Variants in PSMD1 observed in about 807,000 individuals in gnomAD.
PSMD1 encodes 26S proteasome non-ATPase regulatory subunit 1.
Under a neutral mutation model 119.0 loss-of-function variants are expected in PSMD1, and 18 were observed. The observed-to-expected ratio is 0.15, with a 90% CI of 0.10 to 0.22. The LOEUF (loss-of-function observed/expected upper bound fraction) is 0.22, where lower values mean the gene tolerates loss of function less well. Ranked by LOEUF, PSMD1 falls within the 10% of genes least tolerant of loss-of-function variation. PSMD1 has a pLI of 1.00. For missense variants in PSMD1, 702 were observed against 1,158.5 expected (o/e 0.61, Z 5.72); for synonymous variants, 374 against 396.6 (o/e 0.94, Z 0.68).
rs190256290 is a variant in PSMD1 at position 231,096,028 on chromosome 2, A to G, written c.1883+8847A>G. ...CCATGTTAAGGGTAGGGGAGGAATA[A>G]TAACAGTGGCCATTATTAGAAAGAG... On this transcript the variant is annotated intron_variant, in intron 16 of 24. Coordinates refer to ENST00000308696, the MANE Select transcript of PSMD1 (RefSeq NM_002807.4). 5.0e-4 allele frequency among the ~76,000 whole-genome samples: 76 copies of G among 152,354 alleles called. 1 individual carries two copies. Among genetic ancestry groups the G allele is most frequent in the Admixed American group, 2.5e-3 (38 of 15,296 alleles).
At chr2:231,117,300 C>G (rs1695376128) in intron 16 of PSMD1, among the ~76,000 whole-genome samples, 1 of 151,894 alleles carries the variant, frequency 6.6e-6, no homozygotes, top group Non-Finnish European at 1.5e-5. Context: ...AGACTTAAGA[C>G]ATTGAAAATT....
Position 231,170,414 on chromosome 2 carries a change from C to T in PSMD1, c.2716-152C>T, listed in dbSNP as rs1428439220. ...GTTTGCAAATACTTCGTATAGATCA[C>T]AGTTATCTTTATCCCAGTAAAGTTC... On this transcript the variant is annotated intron_variant, in intron 23 of 24. Transcript: ENST00000308696. The surrounding 1 kb of genome is among the most constrained non-coding windows in gnomAD (Gnocchi z 4.1). 1.3e-6 allele frequency: 1 copy of T among 757,528 alleles called. No individual in the cohort carries two copies. Among genetic ancestry groups the T allele is most frequent in the Non-Finnish European group, 2.0e-6 (1 of 506,010 alleles). The allele number at this position is 757,528 out of a possible 1,614,324, so 46.9% of individuals were successfully genotyped here.
chr2:231,064,658 T>C (rs1165376959), intron 4 of PSMD1, among the ~76,000 whole-genome samples: 1 of 152,192 alleles, frequency 6.6e-6, no homozygotes. Context: ...TAACATCCAC[T>C]GTGTTTTTTT....
At chr2:231,134,297 A>G (rs1245631308) in intron 16 of PSMD1, among the ~76,000 whole-genome samples, 2 of 152,198 alleles carry the variant, frequency 1.3e-5, no homozygotes, top group Non-Finnish European at 2.9e-5. Context: ...ATTCTGTGTT[A>G]TCTGTGTGTT....
At chr2:231,114,751 T>C (rs1018832345) in intron 16 of PSMD1, among the ~76,000 whole-genome samples, 1 of 152,202 alleles carries the variant, frequency 6.6e-6, no homozygotes, top group Non-Finnish European at 1.5e-5. Context: ...GGATGTGATA[T>C]TGAATATTCT....
At chr2:231,151,715 A>T (rs936569425) in intron 18 of PSMD1, among the ~76,000 whole-genome samples, 86 of 151,976 alleles carry the variant, frequency 5.7e-4, no homozygotes, top group African/African-American at 2.0e-3. Context: ...TCCATACTGT[A>T]TAAGGTAATG....
chr2:231,122,664 A>G (rs1195868905), intron 16 of PSMD1, among the ~76,000 whole-genome samples: 4 of 152,142 alleles, frequency 2.6e-5, no homozygotes, highest in Admixed American at 1.3e-4. Flanking sequence ...AACTACTTAT[A>G]TCTTTTTTTT....
intron 8 of PSMD1, among the ~76,000 whole-genome samples, chr2:231,076,271 A>G (rs1471241242): frequency 6.6e-6 from 1 of 152,226 alleles, no homozygotes; most frequent in Non-Finnish European, 1.5e-5. Context: ...TAGGGTAAAT[A>G]TTACAACAGT....
rs192208925 is a variant in PSMD1, at chr2:231,094,200, A to G, written c.1883+7019A>G. ...GAGGGGAGGTGCCTGTGAGCTGGCAATCTGGGCATTGCAGGATAATTTCTT... is the reference window on the plus strand; with the variant it reads ...GAGGGGAGGTGCCTGTGAGCTGGCAGTCTGGGCATTGCAGGATAATTTCTT... On this transcript the variant is annotated intron_variant, in intron 16 of 24. Transcript: ENST00000308696. Among the ~76,000 whole-genome samples the G allele has an allele frequency of 3.0e-3, 464 of 152,216 alleles. 4 individuals are homozygous for G. The highest frequency in any genetic ancestry group is 5.6e-3 in the South Asian group (27 of 4,818).
At chr2:231,109,019 G>A (rs750681997) in intron 16 of PSMD1, 8 of 1,614,090 alleles carry the variant, frequency 5.0e-6, no homozygotes, top group African/African-American at 2.7e-5. Context: ...GTTGGAAATG[G>A]TCTGCACTGA....
chr2:231,077,146 T>G lies in PSMD1; in HGVS notation c.1055T>G (p.Ile352Ser). Residue 352 changes from isoleucine (I) to serine (S), a missense_variant, in exon 9 of 25, where the codon ATT becomes AGT. Physicochemically the swap from Ile to Ser is moderately radical, Grantham distance 142. Transcript: ENST00000308696. ...CGAAACAATAATACAGACCTCATGA[T>G]TCTAAAAAACACAAAGGTAAGAAAT... ...LIRNNNTDLM[I>S]LKNTKDAVRN... The G allele has an allele frequency of 6.5e-7, 1 of 1,534,924 alleles. No homozygotes were observed. The highest frequency in any genetic ancestry group is 2.4e-5 in the East Asian group (1 of 41,876).
At chr2:231,091,551 T>C (rs538568676) in intron 16 of PSMD1, among the ~76,000 whole-genome samples, 3 of 152,326 alleles carry the variant, frequency 2.0e-5, no homozygotes, top group African/African-American at 7.2e-5. Context: ...GGCATAGTGG[T>C]TATAACTCGT....
intron 10 of PSMD1, 117 bp from the exon 11 acceptor site, chr2:231,079,419 C>G (rs1319020055): frequency 1.1e-5 from 6 of 536,638 alleles, no homozygotes; most frequent in African/African-American, 1.9e-5. Flanking sequence ...TTGAGATCCA[C>G]AAAGTAATTT....
chr2:231,121,634 G>A (rs140553414), intron 16 of PSMD1, among the ~76,000 whole-genome samples: 192 of 152,176 alleles, frequency 1.3e-3, no homozygotes, highest in Middle Eastern at 3.4e-3. Context: ...TTTGTTACCT[G>A]TTTTTGTATT....
At chr2:231,126,708 T>C (rs1006476177) in intron 16 of PSMD1, among the ~76,000 whole-genome samples, 1 of 152,098 alleles carries the variant, frequency 6.6e-6, no homozygotes, top group African/African-American at 2.4e-5. Flanking sequence ...ATCCTTTCAC[T>C]CACATTCACT....
At position 231,070,150 on chromosome 2, in the gene PSMD1, T is replaced by C; in HGVS notation, c.636T>C (p.Asp212=). 6.4e-7 allele frequency: 1 copy of C among 1,550,544 alleles called. No homozygotes were observed. Among genetic ancestry groups the C allele is most frequent in the Non-Finnish European group, 8.7e-7 (1 of 1,155,976 alleles). Residue 212 remains aspartate (D), a synonymous_variant, in exon 6 of 25, where the codon GAT becomes GAC. Coordinates refer to ENST00000308696, the MANE Select transcript of PSMD1 (RefSeq NM_002807.4). ...VKIYMNLEKP[D]FINVCQCLIF... is the part of the protein sequence containing the mutation. ...TCTACATGAACTTGGAGAAACCTGATTTCATCAATGTTTGTCAGGTAATGA... is the reference window on the plus strand; with the variant it reads ...TCTACATGAACTTGGAGAAACCTGACTTCATCAATGTTTGTCAGGTAATGA...
At chr2:231,147,166 G>C (rs962822593) in intron 18 of PSMD1, among the ~76,000 whole-genome samples, 2 of 152,164 alleles carry the variant, frequency 1.3e-5, no homozygotes, top group Non-Finnish European at 2.9e-5. Flanking sequence ...CCTTGTGGGT[G>C]ACTCCATAAT....
chr2:231,080,313 A>C lies in PSMD1; in HGVS notation c.1412A>C (p.Asp471Ala). 6.3e-7 allele frequency: 1 copy of C among 1,583,472 alleles called. No homozygotes were observed. The highest frequency in any genetic ancestry group is 8.6e-7 in the Non-Finnish European group (1 of 1,162,472). ...AATCAGCTTAAGAACGCCAGCAATG[A>C]TGTAAGTATTAAAATGGAAAACTAA... ...LLNQLKNASN[D>A]IVRHGGSLGL... Residue 471 changes from aspartate to alanine, a missense_variant and splice_region_variant, in exon 12 of 25, where the codon GAT (aspartate) becomes GCT (alanine). By Grantham distance (126) the Asp-to-Ala change is moderately radical. This residue lies in a region of PSMD1 where 272 missense variants were observed against 511.6 expected (regional missense o/e 0.53). Coordinates refer to ENST00000308696, the MANE Select transcript of PSMD1 (RefSeq NM_002807.4).
At chr2:231,126,899 A>T (rs917915465) in intron 16 of PSMD1, among the ~76,000 whole-genome samples, 1 of 152,116 alleles carries the variant, frequency 6.6e-6, no homozygotes, top group African/African-American at 2.4e-5. Context: ...TAATAAATAA[A>T]TAATTATATA....
Sources: allele counts gnomAD v4.1 joint callset (sites outside exome capture counted in the v4.1 genomes callset), GRCh38; gene constraint gnomAD v4.1.1; regional missense constraint gnomAD v4.1.1; non-coding constraint Gnocchi (gnomAD v3.1); transcripts MANE v1.5; gene names NCBI Gene and HGNC (gene_info 2026-07-23, HGNC 2026-07-21).